The following ZFHX3 variants were observed in gnomAD, a reference collection of about 807,000 sequenced individuals.
ZFHX3 encodes zinc finger homeobox 3.
A neutral mutation model predicts 279.1 loss-of-function variants in ZFHX3; 42 were observed. That is an observed-to-expected ratio of 0.15 (90% CI 0.12 to 0.19). ZFHX3 has a LOEUF of 0.19. Among genes scored for constraint, ZFHX3 ranks in the 10% least tolerant of loss-of-function variants. ZFHX3 has a pLI of 1.00. For synonymous variants in ZFHX3, 2,293 were observed against 1,957.8 expected (o/e 1.17, Z -4.52); for missense variants, 4,981 against 4,754.0 (o/e 1.05, Z -1.40).
chr16:73,707,812 GA>G (rs560901525), intron 1 of ZFHX3, among the ~76,000 whole-genome samples: 211 of 151,532 alleles, frequency 1.4e-3, no homozygotes, highest in African/African-American at 4.6e-3. Context: ...ACATGGGCAA[GA>G]AAAAAAAGTG....
chr16:72,959,230 G>A lies in ZFHX3; in HGVS notation c.916C>T (p.Arg306Ter). The A allele has an allele frequency of 6.2e-7, 1 of 1,614,182 alleles. No individual in the cohort carries two copies. ...CGCTCGTCTTCGCTCAGGGTCATTC[G>A]ATGGTCATGCACCGCGTGGGTCACA... The part of the protein sequence containing the change: ...SFVTHAVHDH[R>*]MTLSEDERKI... Residue 306 changes from arginine (R) to a stop codon, truncating the protein, a stop_gained, in exon 2 of 10, where the codon CGA becomes TGA. Transcript: ENST00000268489. LOFTEE classifies it high-confidence loss of function.
chr16:73,485,294 C>T (rs1352533810), intron 2 of ZFHX3, among the ~76,000 whole-genome samples: 1 of 151,954 alleles, frequency 6.6e-6, no homozygotes, highest in Non-Finnish European at 1.5e-5. Flanking sequence ...TGTGTAATGT[C>T]CAAATCCCAT....
intron 2 of ZFHX3, among the ~76,000 whole-genome samples, chr16:73,649,174 T>G (rs1490318506): frequency 1.3e-5 from 2 of 152,226 alleles, no homozygotes; most frequent in Non-Finnish European, 1.5e-5. Context: ...TACAATGATG[T>G]TCCATAGGCA....
In ZFHX3 at chr16:72,793,505, C is replaced by G. The variant is rs1238036116; in HGVS notation, c.9177G>C (p.Gln3059His). The change falls in exon 9 of 10, where the codon CAG becomes CAC. Residue 3059 changes from glutamine to histidine, a missense_variant. By Grantham distance (24) the Gln-to-His change is conservative. Coordinates refer to ENST00000268489, the MANE Select transcript of ZFHX3 (RefSeq NM_006885.4). This position sits in a 1 kb window ranked among gnomAD's most constrained non-coding sequence, Gnocchi z 4.3. Reference protein sequence around the residue: ...ISKVKDTIGSQLDKEKEYFDP... With the variant: ...ISKVKDTIGSHLDKEKEYFDP... ...CAAAGTATTCTTTCTCCTTGTCCAG[C>G]TGGCTTCCAATGGTGTCTTTAACTT... 1.9e-6 allele frequency: 3 copies of G among 1,614,202 alleles called. No individual in the cohort carries two copies. Among genetic ancestry groups the G allele is most frequent in the Non-Finnish European group, 2.5e-6 (3 of 1,180,044 alleles).
At position 72,963,468 on chromosome 16, in the gene ZFHX3, G is replaced by C. The variant is rs138332358; in HGVS notation, c.-49-3274C>G. On this transcript the variant is annotated intron_variant, in intron 1 of 9. Coordinates refer to ENST00000268489, the MANE Select transcript of ZFHX3 (RefSeq NM_006885.4). Reference sequence around the variant, plus strand: ...GAATGACCTAGCTGGCTCACTGTCTGCTTAGCACTTAAATCTGCCATCTGA... The same window carrying C: ...GAATGACCTAGCTGGCTCACTGTCTCCTTAGCACTTAAATCTGCCATCTGA... 5.3e-3 allele frequency among the ~76,000 whole-genome samples: 813 copies of C among 152,298 alleles called. 4 individuals carry two copies. The highest frequency in any genetic ancestry group is 0.015 in the African/African-American group (627 of 41,550).
chr16:73,867,648 T>G (rs773055051), intron 1 of ZFHX3, among the ~76,000 whole-genome samples: 76 of 152,336 alleles, frequency 5.0e-4, no homozygotes, highest in Admixed American at 1.6e-3. Context: ...TGATAGTTAA[T>G]AAGTATGTTT....
rs1367722267 is a variant in ZFHX3, at chr16:72,796,613, T to G, written c.6069A>C (p.Arg2023Ser). 6.2e-7 allele frequency: 1 copy of G among 1,614,036 alleles called. No individual in the cohort carries two copies. The highest frequency in any genetic ancestry group is 1.3e-5 in the African/African-American group (1 of 74,974). The change falls in exon 9 of 10, where the codon AGA (arginine) becomes AGC (serine). Residue 2023 changes from arginine (R) to serine (S), a missense_variant. Physicochemically the swap from Arg to Ser is moderately radical, Grantham distance 110. Transcript: ENST00000268489. Reference protein sequence around the residue: ...KQLERFAKQYRDHYDKLYPLR... With the variant: ...KQLERFAKQYSDHYDKLYPLR... ...GTGGGTACAGTTTATCGTAGTGGTC[T>G]CTGTACTGTTTGGCAAACCTCTCGA...
intron 1 of ZFHX3, among the ~76,000 whole-genome samples, chr16:72,981,858 C>A (rs748678959): frequency 2.6e-5 from 4 of 151,090 alleles, no homozygotes; most frequent in Non-Finnish European, 5.9e-5. Context: ...TCCATGCACA[C>A]AGCGTTTTAC....
Position 72,797,242 on chromosome 16 carries a change from T to A in ZFHX3, c.5440A>T (p.Ser1814Cys), listed in dbSNP as rs1344364357. The A allele has an allele frequency of 1.9e-6, 3 of 1,613,702 alleles. No homozygotes were observed. In the African/African-American group the frequency reaches 4.0e-5, roughly 22 times the overall value. Reference protein sequence around the residue: ...SAEFQLNPEVSLPVTSGALTL... With the variant: ...SAEFQLNPEVCLPVTSGALTL... ...AGTGCCCCACTGGTCACTGGCAAGC[T>A]CACCTCGGGGTTAAGCTGGAACTCA... Residue 1814 changes from serine (S) to cysteine (C), a missense_variant, in exon 9 of 10, where the codon AGC (serine) becomes TGC (cysteine). Ser to Cys is a moderately radical substitution (Grantham distance 112). Coordinates refer to ENST00000268489, the MANE Select transcript of ZFHX3 (RefSeq NM_006885.4).
Position 72,959,100 on chromosome 16 carries a change from T to C in ZFHX3, c.1046A>G (p.His349Arg), listed in dbSNP as rs528995296. 1.2e-6 allele frequency: 2 copies of C among 1,614,132 alleles called. No individual in the cohort carries two copies. Among genetic ancestry groups the C allele is most frequent in the Non-Finnish European group, 1.7e-6 (2 of 1,180,018 alleles). ...FLEPKNKNFQ[H>R]PLVSTANLIG... ...GAGGTTAGCTGTGGAAACTAAAGGG[T>C]GTTGAAAGTTTTTGTTTTTTGGTTC... is the stretch of plus-strand genomic sequence containing the variant. The change falls in exon 2 of 10, where the codon CAC becomes CGC. Residue 349 changes from histidine (H) to arginine (R), a missense_variant. His to Arg is a conservative substitution (Grantham distance 29). This residue lies in a region of ZFHX3 where 1,068 missense variants were observed against 935.2 expected (regional missense o/e 1.14). Coordinates refer to ENST00000268489, the MANE Select transcript of ZFHX3 (RefSeq NM_006885.4).
intron 1 of ZFHX3, among the ~76,000 whole-genome samples, chr16:73,791,946 C>T (rs934985816): frequency 6.6e-6 from 1 of 152,096 alleles, no homozygotes; most frequent in African/African-American, 2.4e-5. Flanking sequence ...TATAATGATT[C>T]GTAGTTTACA....
chr16:73,229,428 T>A (rs2012702514), intron 5 of ZFHX3, among the ~76,000 whole-genome samples: 1 of 152,212 alleles, frequency 6.6e-6, no homozygotes, highest in Non-Finnish European at 1.5e-5. Context: ...TTTCCAAATT[T>A]TTCCTCAACT....
At chr16:73,050,006 A>G (rs557493609), upstream of ZFHX3, among the ~76,000 whole-genome samples, 5 of 152,324 alleles carry the variant, frequency 3.3e-5, no homozygotes, top group African/African-American at 1.2e-4. Context: ...TCTCTCCGGA[A>G]AAACGAAGAT....
chr16:73,833,052 T>C (rs982957386), intron 1 of ZFHX3, among the ~76,000 whole-genome samples: 11 of 152,216 alleles, frequency 7.2e-5, no homozygotes, highest in Admixed American at 1.3e-4. Flanking sequence ...AAAATAGTTG[T>C]AGATCAGTTT....
chr16:73,073,102 G>A (rs1567657487), intron 8 of ZFHX3, among the ~76,000 whole-genome samples: 1 of 152,070 alleles, frequency 6.6e-6, no homozygotes, highest in Non-Finnish European at 1.5e-5. Flanking sequence ...TCACTGTGTT[G>A]CCCAGGCTGG....
At chr16:73,406,529 C>T (rs1199702963) in intron 3 of ZFHX3, among the ~76,000 whole-genome samples, 1 of 152,222 alleles carries the variant, frequency 6.6e-6, no homozygotes, top group Admixed American at 6.5e-5. Flanking sequence ...CTGACAGCTT[C>T]GCGTAGCTGC....
chr16:73,182,384 G>A lies in ZFHX3; in HGVS notation c.-1103-38553C>T, dbSNP rs140097223. ...AGGCATGAGAATCGCTTGAACCTGG[G>A]AGGCAGAGGTTGCAGTGAGCCAAGA... On this transcript the variant is annotated intron_variant, in intron 5 of 17. Coordinates refer to the ZFHX3 transcript ENST00000641206. 2.8e-3 allele frequency among the ~76,000 whole-genome samples: 419 copies of A among 152,312 alleles called. 1 individual carries two copies. The highest frequency in any genetic ancestry group is 9.7e-3 in the African/African-American group (402 of 41,556).
chr16:72,800,818 C>T (rs1432902726), intron 7 of ZFHX3, among the ~76,000 whole-genome samples: 1 of 152,116 alleles, frequency 6.6e-6, no homozygotes, highest in Non-Finnish European at 1.5e-5. Context: ...AACTTCTGAC[C>T]AACGTCCCAG....
chr16:72,862,826 T>G (rs1894924620), intron 4 of ZFHX3, among the ~76,000 whole-genome samples: 1 of 141,972 alleles, frequency 7.0e-6, no homozygotes, highest in African/African-American at 3.0e-5. Flanking sequence ...CAACCAAAAT[T>G]GCAAGGAAGG....
Sources: allele counts gnomAD v4.1 joint callset (sites outside exome capture counted in the v4.1 genomes callset), GRCh38; gene constraint gnomAD v4.1.1; regional missense constraint gnomAD v4.1.1; non-coding constraint Gnocchi (gnomAD v3.1); transcripts MANE v1.5; gene names NCBI Gene and HGNC (gene_info 2026-07-23, HGNC 2026-07-21).